CCDC70: variants seen among roughly 807,000 people sequenced by gnomAD.
CCDC70 encodes the protein coiled-coil domain containing 70, also known as coiled-coil domain-containing protein 70.
A neutral mutation model predicts 9.1 loss-of-function variants in CCDC70; 4 were observed. The ratio of observed to expected loss-of-function variants is 0.44; its 90% CI spans 0.22 to 1.00. The LOEUF (loss-of-function observed/expected upper bound fraction) is 1.00. CCDC70 is among the 50% of genes least tolerant of loss of function. The pLI is 0.25. For missense variants in CCDC70, 308 were observed against 271.3 expected (o/e 1.14, Z -0.95); for synonymous variants, 119 against 94.0 (o/e 1.27, Z -1.54).
In CCDC70 at chr13:51,865,800, C is replaced by A. The variant is rs1410260413; in HGVS notation, c.389C>A (p.Ala130Asp). Residue 130 changes from alanine to aspartate, a missense_variant, in exon 2 of 2, where the codon GCC (alanine) becomes GAC (aspartate). Transcript: ENST00000242819. ...AAGGCCTTCTGGAAAGAGGACAATG[C>A]CTTATGGGAAAGAGACCGGAACCTT... ...EDKAFWKEDN[A>D]LWERDRNLLQ... 6.2e-7 allele frequency: 1 copy of A among 1,614,050 alleles called. No homozygotes were observed. The highest frequency in any genetic ancestry group is 8.5e-7 in the Non-Finnish European group (1 of 1,180,038).
chr13:51,865,957 G>A lies in CCDC70; in HGVS notation c.546G>A (p.Glu182=). The part of the protein sequence containing the change: ...SLWEEENALW[E]EERAFWMENN... ...GGGAGGAAGAGAATGCCCTCTGGGA[G>A]GAAGAGAGGGCCTTCTGGATGGAGA... Residue 182 remains glutamate (E), a synonymous_variant, in exon 2 of 2, where the codon GAG becomes GAA. Transcript: ENST00000242819. The A allele has an allele frequency of 1.9e-6, 3 of 1,614,118 alleles. No individual in the cohort carries two copies. The highest frequency in any genetic ancestry group is 2.7e-5 in the African/African-American group (2 of 75,064).
chr13:51,866,048 C>A lies in CCDC70; in HGVS notation c.637C>A (p.Arg213Ser), dbSNP rs139558267. Residue 213 changes from arginine (R) to serine (S), a missense_variant, in exon 2 of 2, where the codon CGC becomes AGC. Physicochemically the swap from Arg to Ser is moderately radical, Grantham distance 110. Transcript: ENST00000242819. ...GCCCCACAACGCCAACAGAGGGCAG[C>A]GCTTGCTGGCCTTCTCCCGAGGCAG... is the stretch of plus-strand genomic sequence containing the variant. ...DGPHNANRGQ[R>S]LLAFSRGRA The A allele has an allele frequency of 2.0e-5, 32 of 1,594,230 alleles. No individual in the cohort carries two copies. Among genetic ancestry groups the A allele is most frequent in the Admixed American group, 1.3e-4 (7 of 55,742 alleles).
chr13:51,864,874 C>T (rs1443758241), intron 1 of CCDC70, among the ~76,000 whole-genome samples: 1 of 152,194 alleles, frequency 6.6e-6, no homozygotes, highest in Non-Finnish European at 1.5e-5. Context: ...TCCTAAAATA[C>T]ACTCTCCTCC....
chr13:51,862,263 T>C (rs1386212856), intron 1 of CCDC70, 34 bp downstream of exon 1: 1 of 152,232 alleles, frequency 6.6e-6, no homozygotes, highest in East Asian at 1.9e-4. Context: ...TGTATAGTAT[T>C]TGTTCTAAGC....
In CCDC70 at chr13:51,865,502, A is replaced by G. The variant is rs1165627818; in HGVS notation, c.91A>G (p.Met31Val). The G allele has an allele frequency of 2.5e-6, 4 of 1,614,108 alleles. No homozygotes were observed. The African/African-American group carries it at 5.3e-5, about 22-fold the overall frequency. The change falls in exon 2 of 2, where the codon ATG becomes GTG. Residue 31 changes from methionine to valine, a missense_variant. Transcript: ENST00000242819. ...SSPSIRQKKLMHKLQEEKAFR... is the reference protein window; with the variant it reads ...SSPSIRQKKLVHKLQEEKAFR... ...TCCCAGTATTCGCCAGAAGAAACTAATGCACAAGCTGCAGGAGGAAAAGGC... is the reference window on the plus strand; with the variant it reads ...TCCCAGTATTCGCCAGAAGAAACTAGTGCACAAGCTGCAGGAGGAAAAGGC...
At chr13:51,863,526 G>A (rs1171673257) in intron 1 of CCDC70, among the ~76,000 whole-genome samples, 1 of 152,108 alleles carries the variant, frequency 6.6e-6, no homozygotes, top group Non-Finnish European at 1.5e-5. Flanking sequence ...GGCTAGGAGG[G>A]CTTGATGGTT....
chr13:51,866,008 G>C lies in CCDC70; in HGVS notation c.597G>C (p.Gln199His). The C allele has an allele frequency of 2.5e-6, 4 of 1,612,104 alleles. No homozygotes were observed. Among genetic ancestry groups the C allele is most frequent in the Non-Finnish European group, 3.4e-6 (4 of 1,179,332 alleles). ...MENNGHIAGE[Q>H]MLEDGPHNAN... ...ACAATGGCCACATTGCCGGAGAGCA[G>C]ATGCTCGAAGATGGGCCCCACAACG... Residue 199 changes from glutamine (Q) to histidine (H), a missense_variant, in exon 2 of 2, where the codon CAG (glutamine) becomes CAC (histidine). Physicochemically the swap from Gln to His is conservative, Grantham distance 24 (BLOSUM62 0). Transcript: ENST00000242819.
At position 51,865,732 on chromosome 13, in the gene CCDC70, G is replaced by C. The variant is rs199862155; in HGVS notation, c.321G>C (p.Glu107Asp). The C allele has an allele frequency of 2.1e-4, 331 of 1,613,970 alleles. No individual in the cohort carries two copies. The highest frequency in any genetic ancestry group is 5.9e-6 in the Non-Finnish European group (7 of 1,180,010). ...TGGAAAAGTCTTTCAGGGAGGAAGA[G>C]AAAACTTTCTGGAAAAAGTACCGCA... Reference protein sequence around the residue: ...WEMEKSFREEEKTFWKKYRTF... With the variant: ...WEMEKSFREEDKTFWKKYRTF... The change falls in exon 2 of 2, where the codon GAG becomes GAC. Residue 107 changes from glutamate (E) to aspartate (D), a missense_variant. Transcript: ENST00000242819.
At position 51,864,280 on chromosome 13, in the gene CCDC70, T is replaced by C. The variant is rs542906819; in HGVS notation, c.-80-1052T>C. 6.6e-5 allele frequency among the ~76,000 whole-genome samples: 10 copies of C among 152,242 alleles called. No homozygotes were observed. In the East Asian group the frequency reaches 1.9e-3, roughly 29 times the overall value. On this transcript the variant is annotated intron_variant, in intron 1 of 1. Coordinates refer to ENST00000242819, the MANE Select transcript of CCDC70 (RefSeq NM_031290.4). ...CCACCAAGCAAAGAAAGAGTCCTGC[T>C]AGCACTGCAGAAGCCTCTCTCAAGT...
Position 51,865,567 on chromosome 13 carries a change from G to A in CCDC70, c.156G>A (p.Glu52=), listed in dbSNP as rs1294406659. ...TGAAAATTTTTCGTGAAAAAATAGA[G>A]GACTTCAGGGAAGAGATGTGGACTT... is the stretch of plus-strand genomic sequence containing the variant. ...EEMKIFREKI[E]DFREEMWTFR... The change falls in exon 2 of 2, where the codon GAG becomes GAA. Residue 52 remains glutamate, a synonymous_variant. Coordinates refer to ENST00000242819, the MANE Select transcript of CCDC70 (RefSeq NM_031290.4). 3.7e-6 allele frequency: 6 copies of A among 1,614,090 alleles called. No individual in the cohort carries two copies. Among genetic ancestry groups the A allele is most frequent in the Non-Finnish European group, 5.1e-6 (6 of 1,180,050 alleles).
In CCDC70 at chr13:51,862,925, G is replaced by A. The variant is rs1417417498; in HGVS notation, c.-81+696G>A. 2.0e-5 allele frequency among the ~76,000 whole-genome samples: 3 copies of A among 152,184 alleles called. No homozygotes were observed. The East Asian group carries it at 5.8e-4, about 29-fold the overall frequency. ...CGGCGTTATATTATGATAGCTGCTG[G>A]GTTACAGAGATGTCAGGAAGACATG... On this transcript the variant is annotated intron_variant, in intron 1 of 1. Coordinates refer to ENST00000242819, the MANE Select transcript of CCDC70 (RefSeq NM_031290.4).
intron 1 of CCDC70, among the ~76,000 whole-genome samples, chr13:51,862,822 T>C (rs7333241): frequency 0.87 from 131,878 of 152,198 alleles, 58,540 homozygotes; most frequent in East Asian, 1. Flanking sequence ...CCATACAACA[T>C]AGAAAATCAA....
In CCDC70 at chr13:51,862,192, G is replaced by A. The variant is rs1956387860; in HGVS notation, c.-118G>A. ...GACAATGGCCGCCTGCCCCCTCTGA[G>A]GGCTACAGGACTTACCCCAGTGGGA... On this transcript the variant is annotated 5_prime_UTR_variant, in exon 1 of 2. Transcript: ENST00000242819. 1 of 152,238 alleles carries A rather than the reference G, an allele frequency of 6.6e-6. No homozygotes were observed. Among genetic ancestry groups the A allele is most frequent in the East Asian group, 1.9e-4 (1 of 5,194 alleles). The allele number at this position is 152,238 out of a possible 1,614,324, so 9.4% of individuals were successfully genotyped here. A position where few individuals can be genotyped will look rare whatever the true frequency, so the allele number is the denominator to read the frequency against.
Position 51,865,405 on chromosome 13 carries a change from A to G in CCDC70, c.-7A>G, listed in dbSNP as rs781169396. ...TGGCCACCCCGCCATTCCGGCTGAT[A>G]AGGAAGATGTTTTCCTTCAAGGTGA... On this transcript the variant is annotated 5_prime_UTR_variant, in exon 2 of 2. It adds an upstream start codon to the 5' untranslated region. Coordinates refer to ENST00000242819, the MANE Select transcript of CCDC70 (RefSeq NM_031290.4). 6 of 1,604,168 alleles carry G rather than the reference A, an allele frequency of 3.7e-6. No individual in the cohort carries two copies. In the Admixed American group the frequency reaches 5.1e-5, roughly 14 times the overall value.
In CCDC70 at chr13:51,865,593, T is replaced by C. The variant is rs778245354; in HGVS notation, c.182T>C (p.Phe61Ser). 3.7e-6 allele frequency: 6 copies of C among 1,614,162 alleles called. No homozygotes were observed. The highest frequency in any genetic ancestry group is 4.2e-6 in the Non-Finnish European group (5 of 1,180,022). Residue 61 changes from phenylalanine (F) to serine (S), a missense_variant, in exon 2 of 2, where the codon TTC becomes TCC. By Grantham distance (155) the Phe-to-Ser change is radical (BLOSUM62 -2). Coordinates refer to ENST00000242819, the MANE Select transcript of CCDC70 (RefSeq NM_031290.4). ...GACTTCAGGGAAGAGATGTGGACTT[T>C]CCGAGGCAAGATCCATGCTTTCCGG... ...IEDFREEMWT[F>S]RGKIHAFRGQ... is the part of the protein sequence containing the mutation.
At chr13:51,865,180 C>G (rs1409020907) in intron 1 of CCDC70, among the ~76,000 whole-genome samples, 152 bp from the exon 2 acceptor site, 1 of 152,214 alleles carries the variant, frequency 6.6e-6, no homozygotes. Flanking sequence ...ATGACCACCC[C>G]ACATGTTTTT....
chr13:51,865,224 G>C, intron 1 of CCDC70, 108 bp from the exon 2 acceptor site: 1 of 588,274 alleles, frequency 1.7e-6, no homozygotes, highest in Non-Finnish European at 2.8e-6. Context: ...ACACCACCAT[G>C]TGGACAAAGA....
At chr13:51,864,103 C>T (rs1043694577) in intron 1 of CCDC70, among the ~76,000 whole-genome samples, 5 of 147,034 alleles carry the variant, frequency 3.4e-5, no homozygotes, top group Non-Finnish European at 7.5e-5. Context: ...TCCCTTCCTT[C>T]CTTCCCTCCC....
rs770085949 is a variant in CCDC70, at chr13:51,866,114, C to T, written c.*34C>T. On this transcript the variant is annotated 3_prime_UTR_variant, in exon 2 of 2. Coordinates refer to ENST00000242819, the MANE Select transcript of CCDC70 (RefSeq NM_031290.4). ...CAGGTGCAGGGCCCTGTGGTCCAGA[C>T]TCCCCTGGGTTGGGATTCAAGTCCA... 3 of 1,514,060 alleles carry T rather than the reference C, an allele frequency of 2.0e-6. No homozygotes were observed. The highest frequency in any genetic ancestry group is 1.4e-5 in the African/African-American group (1 of 71,578). The allele number at this position is 1,514,060 out of a possible 1,614,324, so 93.8% of individuals were successfully genotyped here. A position where few individuals can be genotyped will look rare whatever the true frequency, so the allele number is the denominator to read the frequency against.
Sources: gnomAD v4.1 joint callset for allele counts (sites outside exome capture counted in the v4.1 genomes callset) on GRCh38, gnomAD v4.1.1 for gene constraint, MANE v1.5 for transcripts, NCBI Gene and HGNC (gene_info 2026-07-23, HGNC 2026-07-21) for gene names.